The following BICC1 variants were observed in gnomAD, a reference collection of about 807,000 sequenced individuals.
BICC1 encodes BicC family RNA binding protein 1.
A neutral mutation model predicts 111.0 loss-of-function variants in BICC1; 43 were observed. The observed-to-expected ratio is 0.39, with a 90% confidence interval of 0.30 to 0.50. The LOEUF (loss-of-function observed/expected upper bound fraction) is 0.50, where lower values mean the gene tolerates loss of function less well. Ranked by LOEUF, BICC1 falls within the 20% of genes least tolerant of loss-of-function variation. BICC1 has a pLI of 0.88. For synonymous variants in BICC1, 467 were observed against 434.4 expected (o/e 1.07, Z -0.93); for missense variants, 1,091 against 1,203.2 (o/e 0.91, Z 1.38).
At chr10:58,585,114 C>T (rs902135683) in intron 1 of BICC1, among the ~76,000 whole-genome samples, 2 of 152,114 alleles carry the variant, frequency 1.3e-5, no homozygotes, top group Non-Finnish European at 2.9e-5. Flanking sequence ...GCTTTGTGAA[C>T]CGGATCAATA....
intron 3 of BICC1, among the ~76,000 whole-genome samples, chr10:58,769,372 A>ATTGTG (rs1491259813): frequency 1.2e-5 from 1 of 86,206 alleles, no homozygotes; most frequent in African/African-American, 3.5e-5. Context: ...TAGTTTTATA[A>ATTGTG]TGTATGTGTG....
At chr10:58,810,087 G>GTA (rs1843852583) in intron 17 of BICC1, among the ~76,000 whole-genome samples, 1 of 152,228 alleles carries the variant, frequency 6.6e-6, no homozygotes, top group Non-Finnish European at 1.5e-5. Context: ...TGATGCATGT[G>GTA]TCCCACAGGA....
At chr10:58,699,321 G>A (rs1446549109) in intron 2 of BICC1, among the ~76,000 whole-genome samples, 1 of 152,220 alleles carries the variant, frequency 6.6e-6, no homozygotes, top group Non-Finnish European at 1.5e-5. Context: ...ACAGGGAGTT[G>A]TAGTGTGGCT....
chr10:58,601,690 G>A (rs76069115), intron 1 of BICC1, among the ~76,000 whole-genome samples: 4,948 of 151,864 alleles, frequency 0.033, 95 homozygotes, highest in Non-Finnish European at 0.046. Context: ...TTACACTTCC[G>A]CCATTGTACA....
At chr10:58,560,632 A>G (rs1843578629) in intron 1 of BICC1, among the ~76,000 whole-genome samples, 1 of 149,950 alleles carries the variant, frequency 6.7e-6, no homozygotes, top group Non-Finnish European at 1.5e-5. Flanking sequence ...TTTGCTTTTT[A>G]AATTCCTTGA....
chr10:58,581,521 A>G (rs116753682), intron 1 of BICC1, among the ~76,000 whole-genome samples: 44 of 152,308 alleles, frequency 2.9e-4, no homozygotes, highest in African/African-American at 9.4e-4. Flanking sequence ...ATTTTGTTCT[A>G]TATTGGTGGA....
At chr10:58,817,445 A>G (rs1844128013) in intron 18 of BICC1, 117 bp from the exon 19 acceptor site, 4 of 1,087,434 alleles carry the variant, frequency 3.7e-6, no homozygotes, top group Non-Finnish European at 5.6e-6. Flanking sequence ...TTCTACAGCT[A>G]CTGCCCTATT....
At position 58,535,264 on chromosome 10, in the gene BICC1, C is replaced by T. The variant is rs147669772; in HGVS notation, c.190+21931C>T. Among the ~76,000 whole-genome samples, 57 of 151,650 alleles carry T rather than the reference C, an allele frequency of 3.8e-4. 1 individual carries two copies. In the South Asian group the frequency reaches 6.6e-3, roughly 18 times the overall value. Reference sequence around the variant, plus strand: ...CCTGGAAGACTCATTACAAAAAGGACGTCACCAAAGAACATAGTCATCAGA... The same window carrying T: ...CCTGGAAGACTCATTACAAAAAGGATGTCACCAAAGAACATAGTCATCAGA... On this transcript the variant is annotated intron_variant, in intron 1 of 20. Coordinates refer to ENST00000373886, the MANE Select transcript of BICC1 (RefSeq NM_001080512.3).
chr10:58,534,124 C>G (rs1396961385), intron 1 of BICC1, among the ~76,000 whole-genome samples: 1 of 151,652 alleles, frequency 6.6e-6, no homozygotes, highest in Non-Finnish European at 1.5e-5. Flanking sequence ...CAGAGGTGTT[C>G]ATGTTTATAT....
intron 2 of BICC1, among the ~76,000 whole-genome samples, chr10:58,637,000 C>A (rs543857807): frequency 6.6e-6 from 1 of 151,664 alleles, no homozygotes; most frequent in East Asian, 1.9e-4. Context: ...CCTTCCATAT[C>A]TTTAGTTGCT....
chr10:58,820,220 C>G, intron 19 of BICC1, 149 bp from the exon 20 acceptor site: 1 of 533,990 alleles, frequency 1.9e-6, no homozygotes. Flanking sequence ...TTTCTTAATT[C>G]TTGTTTCTTA....
intron 1 of BICC1, among the ~76,000 whole-genome samples, chr10:58,528,631 G>A (rs1842605770): frequency 6.6e-6 from 1 of 151,894 alleles, no homozygotes; most frequent in African/African-American, 2.4e-5. Flanking sequence ...TGAGTTAGAG[G>A]GAAATAAACC....
chr10:58,800,210 A>G lies in BICC1; in HGVS notation c.1742A>G (p.Tyr581Cys). 3.1e-6 allele frequency: 5 copies of G among 1,602,418 alleles called. No individual in the cohort carries two copies. Among genetic ancestry groups the G allele is most frequent in the Non-Finnish European group, 4.3e-6 (5 of 1,170,400 alleles). ...TTATTTTAGTCTCCAGATATAAAAT[A>G]TGGTGCAATATCCACTTCATCACTT... ...NGHAQSPDIKYGAISTSSLGE... is the reference protein window; with the variant it reads ...NGHAQSPDIKCGAISTSSLGE... Residue 581 changes from tyrosine to cysteine, a missense_variant, in exon 13 of 21, where the codon TAT (tyrosine) becomes TGT (cysteine). Physicochemically the swap from Tyr to Cys is radical, Grantham distance 194. This residue lies in a region of BICC1 where 843 missense variants were observed against 900.8 expected (regional missense o/e 0.94). Coordinates refer to ENST00000373886, the MANE Select transcript of BICC1 (RefSeq NM_001080512.3).
At chr10:58,715,800 G>T (rs1276401146) in intron 3 of BICC1, 2 of 1,349,970 alleles carry the variant, frequency 1.5e-6, no homozygotes, top group East Asian at 2.4e-5. Flanking sequence ...ATTGTTAACT[G>T]CAAGTGAGAG....
intron 18 of BICC1, 95 bp from the exon 19 acceptor site, chr10:58,817,467 T>C: frequency 7.4e-7 from 1 of 1,352,854 alleles, no homozygotes; most frequent in Non-Finnish European, 1.1e-6. Flanking sequence ...AGCTGAACAA[T>C]GGAAGTTGAA....
intron 1 of BICC1, among the ~76,000 whole-genome samples, chr10:58,559,411 G>T (rs1466549811): frequency 2.0e-5 from 3 of 150,446 alleles, no homozygotes; most frequent in Non-Finnish European, 3.0e-5. Context: ...TTTCATTATT[G>T]CTTTATAGAA....
At chr10:58,805,231 T>A (rs770441634) in intron 15 of BICC1, among the ~76,000 whole-genome samples, 4 of 151,918 alleles carry the variant, frequency 2.6e-5, no homozygotes, top group South Asian at 2.1e-4. Context: ...AGGTGGAGGT[T>A]GCAGTGACCT....
At chr10:58,692,943 A>G (rs1468260782) in intron 2 of BICC1, among the ~76,000 whole-genome samples, 2 of 151,458 alleles carry the variant, frequency 1.3e-5, no homozygotes, top group South Asian at 4.2e-4. Context: ...CATGTGGCAT[A>G]TTGGTGTGCT....
At chr10:58,599,553 G>C (rs1844955381) in intron 1 of BICC1, among the ~76,000 whole-genome samples, 1 of 152,130 alleles carries the variant, frequency 6.6e-6, no homozygotes, top group African/African-American at 2.4e-5. Context: ...TAATGTAGGT[G>C]ATGGGTTGTT....
Sources: allele counts gnomAD v4.1 joint callset (sites outside exome capture counted in the v4.1 genomes callset), GRCh38; gene constraint gnomAD v4.1.1; regional missense constraint gnomAD v4.1.1; transcripts MANE v1.5; gene names NCBI Gene and HGNC (gene_info 2026-07-23, HGNC 2026-07-21).